Variants in TMEM132C observed in about 807,000 individuals in gnomAD.
TMEM132C encodes protein phosphatase 1, regulatory subunit 152.
Under a neutral mutation model 61.4 loss-of-function variants are expected in TMEM132C, and 29 were observed. That is an observed-to-expected ratio of 0.47 (90% CI 0.35 to 0.64). The LOEUF is 0.64. Ranked by LOEUF, TMEM132C falls within the 30% of genes least tolerant of loss-of-function variation. The pLI, the probability that TMEM132C is intolerant of heterozygous loss-of-function variation, is 0.00. For synonymous variants in TMEM132C, 656 were observed against 633.1 expected (o/e 1.04, Z -0.54); for missense variants, 1,408 against 1,476.9 (o/e 0.95, Z 0.76).
intron 1 of TMEM132C, among the ~76,000 whole-genome samples, chr12:128,376,396 C>T (rs761541085): frequency 2.0e-5 from 3 of 152,120 alleles, no homozygotes; most frequent in Non-Finnish European, 2.9e-5. Flanking sequence ...TGATTATTCA[C>T]TCAAGGGTTT....
intron 2 of TMEM132C, among the ~76,000 whole-genome samples, chr12:128,501,358 A>C (rs545113916): frequency 1.3e-5 from 2 of 152,094 alleles, no homozygotes; most frequent in Non-Finnish European, 2.9e-5. Flanking sequence ...CATCACTTTA[A>C]TGTTATCTTT....
chr12:128,603,311 T>G (rs2220485), intron 3 of TMEM132C, among the ~76,000 whole-genome samples: 7,838 of 152,266 alleles, frequency 0.051, 646 homozygotes, highest in African/African-American at 0.17. Flanking sequence ...CAGAGTCCCC[T>G]TGCAGAGGGG....
intron 2 of TMEM132C, among the ~76,000 whole-genome samples, chr12:128,523,834 C>T (rs940483163): frequency 1.3e-5 from 2 of 150,390 alleles, no homozygotes; most frequent in African/African-American, 4.9e-5. Flanking sequence ...AAAAAGAGAC[C>T]CTGTCTCTAC....
At chr12:128,444,861 G>A (rs1435552844) in intron 2 of TMEM132C, among the ~76,000 whole-genome samples, 1 of 152,010 alleles carries the variant, frequency 6.6e-6, no homozygotes, top group Non-Finnish European at 1.5e-5. Flanking sequence ...ACGACCATTA[G>A]GAAGTGGTCT....
At chr12:128,510,804 G>T (rs115386236) in intron 2 of TMEM132C, among the ~76,000 whole-genome samples, 1,556 of 152,356 alleles carry the variant, frequency 0.01, 18 homozygotes, top group African/African-American at 0.036. Context: ...TCAGATGGGC[G>T]TGGATCACAG....
rs567091038 is a variant in TMEM132C at position 128,586,420 on chromosome 12, G to A, written c.1122-29732G>A. 9.3e-5 allele frequency among the ~76,000 whole-genome samples: 14 copies of A among 151,060 alleles called. No homozygotes were observed. In the South Asian group the frequency reaches 2.9e-3, roughly 32 times the overall value. On this transcript the variant is annotated intron_variant, in intron 3 of 8. Transcript: ENST00000435159. ...AATATATATTATAAAGATCTATTTA[G>A]CCGTATATATTTAGCAATCTGTGAC...
At chr12:128,614,462 T>TA (rs374515069) in intron 3 of TMEM132C, among the ~76,000 whole-genome samples, 3,842 of 145,320 alleles carry the variant, frequency 0.026, 111 homozygotes, top group African/African-American at 0.084. Context: ...ACAAACAAAT[T>TA]AAAAAAAAAA....
intron 1 of TMEM132C, among the ~76,000 whole-genome samples, chr12:128,320,021 A>AAAAG (rs1479423158): frequency 6.6e-6 from 1 of 152,126 alleles, no homozygotes; most frequent in Non-Finnish European, 1.5e-5. Flanking sequence ...AGGATATTGA[A>AAAAG]AAAGAAAGAA....
chr12:128,481,442 C>A (rs1871313923), intron 2 of TMEM132C, among the ~76,000 whole-genome samples: 1 of 152,206 alleles, frequency 6.6e-6, no homozygotes. Flanking sequence ...GTGCAGGAAA[C>A]CTTCCAGGGT....
intron 2 of TMEM132C, among the ~76,000 whole-genome samples, chr12:128,453,058 A>G (rs1593058858): frequency 6.6e-6 from 1 of 152,236 alleles, no homozygotes; most frequent in Admixed American, 6.5e-5. Flanking sequence ...CCTGCCTTCT[A>G]TTCCAAAAAT....
At chr12:128,400,684 T>C (rs1158144015) in intron 1 of TMEM132C, among the ~76,000 whole-genome samples, 1 of 151,480 alleles carries the variant, frequency 6.6e-6, no homozygotes, top group African/African-American at 2.4e-5. Context: ...TCTCGGCTCA[T>C]TGCACCCTCT....
In TMEM132C at chr12:128,406,308, T is replaced by A. The variant is rs137878566; in HGVS notation, c.86-8424T>A. ...TGGGCTATTGGTCAAACTTGATGCA[T>A]TCCTCAAGTGTTGAATGAGTCGTCA... is the stretch of plus-strand genomic sequence containing the variant. On this transcript the variant is annotated intron_variant, in intron 1 of 8. Coordinates refer to ENST00000435159, the MANE Select transcript of TMEM132C (RefSeq NM_001136103.3). Among the ~76,000 whole-genome samples, 247 of 152,342 alleles carry A rather than the reference T, an allele frequency of 1.6e-3. 1 individual carries two copies. The highest frequency in any genetic ancestry group is 5.6e-3 in the African/African-American group (233 of 41,572).
intron 1 of TMEM132C, among the ~76,000 whole-genome samples, chr12:128,411,852 C>T (rs1868561572): frequency 6.6e-6 from 1 of 152,166 alleles, no homozygotes; most frequent in African/African-American, 2.4e-5. Context: ...CCCATTCTAA[C>T]CCACTGCAGG....
At chr12:128,540,599 A>G (rs1873702987) in intron 2 of TMEM132C, among the ~76,000 whole-genome samples, 1 of 152,058 alleles carries the variant, frequency 6.6e-6, no homozygotes, top group African/African-American at 2.4e-5. Context: ...CATAGGCTGT[A>G]TTTCTGGTAG....
chr12:128,317,572 C>T (rs1374717129), intron 1 of TMEM132C, among the ~76,000 whole-genome samples: 1 of 152,174 alleles, frequency 6.6e-6, no homozygotes, highest in Non-Finnish European at 1.5e-5. Context: ...CTTAAAGGAG[C>T]ACTTTAGAGG....
chr12:128,386,531 C>G (rs964864247), intron 1 of TMEM132C, among the ~76,000 whole-genome samples: 1 of 152,082 alleles, frequency 6.6e-6, no homozygotes, highest in South Asian at 2.1e-4. Context: ...AACTCAGGGG[C>G]AAGAAGGCTG....
chr12:128,682,104 T>G (rs576723746), intron 5 of TMEM132C, among the ~76,000 whole-genome samples: 35 of 152,184 alleles, frequency 2.3e-4, no homozygotes, highest in Non-Finnish European at 4.9e-4. Context: ...CTGAGCCAAT[T>G]GCTGTGGCTA....
At chr12:128,652,938 A>C (rs1361406365) in intron 4 of TMEM132C, among the ~76,000 whole-genome samples, 2 of 152,210 alleles carry the variant, frequency 1.3e-5, no homozygotes, top group East Asian at 3.9e-4. Context: ...TAAACCCAAG[A>C]GAAATGAAAC....
intron 2 of TMEM132C, among the ~76,000 whole-genome samples, chr12:128,445,965 A>T (rs1404954817): frequency 6.6e-6 from 1 of 152,216 alleles, no homozygotes; most frequent in Non-Finnish European, 1.5e-5. Flanking sequence ...AATCTCTGTC[A>T]TCTACAAAGC....
Sources: allele counts gnomAD v4.1 joint callset (sites outside exome capture counted in the v4.1 genomes callset), GRCh38; gene constraint gnomAD v4.1.1; transcripts MANE v1.5; gene names NCBI Gene and HGNC (gene_info 2026-07-23, HGNC 2026-07-21).